Variants in ESRRB observed in about 807,000 individuals in gnomAD.
The protein encoded by ESRRB is estrogen related receptor beta.
ESRRB carries 16 observed loss-of-function variants against 46.0 expected under a neutral mutation model. The ratio of observed to expected loss-of-function variants is 0.35; its 90% CI spans 0.24 to 0.53. ESRRB has a LOEUF of 0.53. ESRRB is among the 20% of genes least tolerant of loss of function. The pLI is 0.93. For synonymous variants in ESRRB, 246 were observed against 259.6 expected (o/e 0.95, Z 0.50); for missense variants, 488 against 607.4 (o/e 0.80, Z 2.07).
intron 1 of ESRRB, among the ~76,000 whole-genome samples, chr14:76,395,436 A>T (rs986993434): frequency 6.6e-6 from 1 of 152,188 alleles, no homozygotes; most frequent in Non-Finnish European, 1.5e-5. Context: ...CACTAGAAGA[A>T]CATAAAGGAA....
chr14:76,395,387 G>T (rs1012430236), intron 1 of ESRRB, among the ~76,000 whole-genome samples: 2 of 152,188 alleles, frequency 1.3e-5, no homozygotes, highest in Non-Finnish European at 2.9e-5. Flanking sequence ...GCTGCAGCGG[G>T]GCGTGTGGAG....
intron 1 of ESRRB, among the ~76,000 whole-genome samples, chr14:76,421,423 A>G (rs967394211): frequency 6.6e-6 from 1 of 152,228 alleles, no homozygotes; most frequent in Non-Finnish European, 1.5e-5. Flanking sequence ...ATAAGCTTAT[A>G]TATGTAAAGC....
intron 1 of ESRRB, among the ~76,000 whole-genome samples, chr14:76,420,566 T>A (rs1595099747): frequency 6.7e-6 from 1 of 150,084 alleles, no homozygotes; most frequent in Non-Finnish European, 1.5e-5. Flanking sequence ...TGAGTGTGTG[T>A]GTGTGTGTGT....
At chr14:76,354,355 C>T (rs1428927433) in intron 1 of ESRRB, among the ~76,000 whole-genome samples, 2 of 151,930 alleles carry the variant, frequency 1.3e-5, no homozygotes, top group Admixed American at 6.6e-5. Flanking sequence ...TTTGCTCTCT[C>T]CACTGCCTAG....
chr14:76,476,779 C>T (rs939765045), intron 3 of ESRRB, among the ~76,000 whole-genome samples: 3 of 152,050 alleles, frequency 2.0e-5, no homozygotes, highest in African/African-American at 7.3e-5. Flanking sequence ...TCTTTGGTGT[C>T]CTCAGACAGC....
chr14:76,355,712 G>A (rs1014071698), intron 1 of ESRRB, among the ~76,000 whole-genome samples: 45 of 152,176 alleles, frequency 3.0e-4, no homozygotes, highest in Non-Finnish European at 6.5e-4. Context: ...TGTAAAGTGG[G>A]GATAATATAT....
At chr14:76,462,032 G>C (rs1888883282) in intron 2 of ESRRB, among the ~76,000 whole-genome samples, 1 of 152,232 alleles carries the variant, frequency 6.6e-6, no homozygotes, top group Non-Finnish European at 1.5e-5. Flanking sequence ...TATCCTCAAG[G>C]TTAGCAAAGC....
At chr14:76,371,078 T>C (rs955681241), upstream of ESRRB, among the ~76,000 whole-genome samples, 7 of 152,218 alleles carry the variant, frequency 4.6e-5, no homozygotes, top group Admixed American at 2.0e-4. Flanking sequence ...TATTTTATCC[T>C]TGGTGTCGTG....
chr14:76,431,676 A>G (rs755268930), intron 1 of ESRRB, among the ~76,000 whole-genome samples: 1 of 152,186 alleles, frequency 6.6e-6, no homozygotes, highest in Non-Finnish European at 1.5e-5. Flanking sequence ...TTAGGAGATG[A>G]ATCAAAGGGA....
chr14:76,339,532 G>A (rs1304792983), intron 1 of ESRRB, among the ~76,000 whole-genome samples: 7 of 152,288 alleles, frequency 4.6e-5, no homozygotes, highest in Admixed American at 4.6e-4. Context: ...CCCAGCTTTA[G>A]GCTGCTTATG....
chr14:76,390,292 C>T (rs1362390976), intron 1 of ESRRB, among the ~76,000 whole-genome samples: 1 of 152,156 alleles, frequency 6.6e-6, no homozygotes, highest in African/African-American at 2.4e-5. Context: ...AGTTTGAGAC[C>T]AGCCTGGCCA....
chr14:76,324,963 C>CTTTTTTTTTTTTTTTTTTTTT (rs34780208), intron 1 of ESRRB, among the ~76,000 whole-genome samples: 2 of 102,212 alleles, frequency 2.0e-5, no homozygotes, highest in African/African-American at 3.7e-5. Flanking sequence ...TTTTCTTTTT[C>CTTTTTTTTTTTTTTTTTTTTT]TTTTTTTTTT....
At chr14:76,478,390 A>C (rs528794624) in intron 3 of ESRRB, among the ~76,000 whole-genome samples, 3 of 152,084 alleles carry the variant, frequency 2.0e-5, no homozygotes, top group Non-Finnish European at 2.9e-5. Flanking sequence ...AGACATCGGC[A>C]GAGGTGGCAG....
chr14:76,492,982 C>T (rs1168584913), intron 6 of ESRRB, among the ~76,000 whole-genome samples: 7 of 152,188 alleles, frequency 4.6e-5, no homozygotes, highest in African/African-American at 1.7e-4. Context: ...AGGAATCACA[C>T]ACATAATTCT....
chr14:76,356,095 T>C (rs977202385), intron 1 of ESRRB, among the ~76,000 whole-genome samples: 2 of 152,260 alleles, frequency 1.3e-5, no homozygotes, highest in Non-Finnish European at 2.9e-5. Flanking sequence ...TGACATGACC[T>C]GCTCCACAGC....
chr14:76,432,354 C>T (rs963359879), intron 1 of ESRRB, among the ~76,000 whole-genome samples: 1 of 152,196 alleles, frequency 6.6e-6, no homozygotes, highest in Non-Finnish European at 1.5e-5. Context: ...AGATGGGGCC[C>T]GCTTGCATTG....
In ESRRB at chr14:76,391,023, T is replaced by G. The variant is rs969839589; in HGVS notation, c.50+14572T>G. ...AGGCAGCTGCCCTCTCTGGAAATGCTGGGCTGTGCGGTCATGCCCATGAAA... is the reference window on the plus strand; with the variant it reads ...AGGCAGCTGCCCTCTCTGGAAATGCGGGGCTGTGCGGTCATGCCCATGAAA... On this transcript the variant is annotated intron_variant, in intron 1 of 6. Coordinates refer to ENST00000644823, the MANE Select transcript of ESRRB (RefSeq NM_001379180.1). Among the ~76,000 whole-genome samples the G allele has an allele frequency of 2.0e-5, 3 of 152,212 alleles. No individual in the cohort carries two copies. In the East Asian group the frequency reaches 5.8e-4, roughly 29 times the overall value.
chr14:76,424,369 T>C lies in ESRRB; in HGVS notation c.51-14972T>C, dbSNP rs553386736. ...GAGTCAGGATGAGCCCTAAGCTTCC[T>C]ATGTGGGTTCTGCTCCTGGGGCGCT... On this transcript the variant is annotated intron_variant, in intron 1 of 6. Coordinates refer to ENST00000644823, the MANE Select transcript of ESRRB (RefSeq NM_001379180.1). 4.6e-5 allele frequency among the ~76,000 whole-genome samples: 7 copies of C among 152,322 alleles called. No homozygotes were observed. In the South Asian group the frequency reaches 1.4e-3, roughly 32 times the overall value.
intron 3 of ESRRB, among the ~76,000 whole-genome samples, chr14:76,468,349 T>C (rs1040943436): frequency 6.6e-6 from 1 of 151,970 alleles, no homozygotes; most frequent in Non-Finnish European, 1.5e-5. Flanking sequence ...TGCCAATGTG[T>C]GTTGCATCCC....
Sources: allele counts gnomAD v4.1 joint callset (sites outside exome capture counted in the v4.1 genomes callset), GRCh38; gene constraint gnomAD v4.1.1; transcripts MANE v1.5; gene names NCBI Gene and HGNC (gene_info 2026-07-23, HGNC 2026-07-21).